Variants in MLLT3 observed in about 807,000 individuals in gnomAD.
MLLT3 encodes protein AF-9.
MLLT3 carries 4 observed loss-of-function variants against 53.2 expected under a neutral mutation model. That is an observed-to-expected ratio of 0.08 (90% CI 0.04 to 0.17). The LOEUF (loss-of-function observed/expected upper bound fraction) is 0.17, where lower values mean the gene tolerates loss of function less well. MLLT3 is among the 10% of genes least tolerant of loss of function. MLLT3 has a pLI of 1.00. For synonymous variants in MLLT3, 283 were observed against 230.6 expected (o/e 1.23, Z -2.06); for missense variants, 569 against 684.0 (o/e 0.83, Z 1.87).
At chr9:20,355,108 A>AAAAAAAAAAC (rs1563933785) in intron 8 of MLLT3, among the ~76,000 whole-genome samples, 1 of 151,474 alleles carries the variant, frequency 6.6e-6, no homozygotes, top group Admixed American at 6.6e-5. Context: ...AAAAAAAAAA[A>AAAAAAAAAAC]AAAAAAAAAC....
At chr9:20,531,935 A>C (rs1312396323) in intron 2 of MLLT3, among the ~76,000 whole-genome samples, 4 of 151,964 alleles carry the variant, frequency 2.6e-5, no homozygotes, top group African/African-American at 7.2e-5. Flanking sequence ...AAAAGCTAAA[A>C]ATTTTCATTT....
At chr9:20,518,231 G>T (rs1248736118) in intron 2 of MLLT3, among the ~76,000 whole-genome samples, 1 of 152,132 alleles carries the variant, frequency 6.6e-6, no homozygotes, top group African/African-American at 2.4e-5. Flanking sequence ...TGTAATCCCA[G>T]CTACTCAGGA....
At chr9:20,520,598 T>C (rs889479260) in intron 2 of MLLT3, among the ~76,000 whole-genome samples, 24 of 151,996 alleles carry the variant, frequency 1.6e-4, no homozygotes, top group African/African-American at 5.6e-4. Flanking sequence ...GAGACTAATA[T>C]GAATAACACC....
chr9:20,389,482 A>G (rs1357162222), intron 5 of MLLT3, among the ~76,000 whole-genome samples: 3 of 152,122 alleles, frequency 2.0e-5, no homozygotes, highest in Non-Finnish European at 4.4e-5. Context: ...AATATACTAA[A>G]AACCACTTTA....
intron 2 of MLLT3, among the ~76,000 whole-genome samples, chr9:20,600,330 G>A (rs921191159): frequency 5.3e-5 from 8 of 152,136 alleles, no homozygotes; most frequent in South Asian, 4.1e-4. Context: ...TAAGAACCAC[G>A]TCTGTTTTGT....
intron 5 of MLLT3, among the ~76,000 whole-genome samples, chr9:20,373,301 A>C (rs1338890205): frequency 6.6e-6 from 1 of 152,238 alleles, no homozygotes; most frequent in Admixed American, 6.5e-5. Context: ...CAATGGGCCT[A>C]CCAGGATTTG....
At chr9:20,422,620 C>T (rs764046755) in intron 4 of MLLT3, among the ~76,000 whole-genome samples, 9 of 152,036 alleles carry the variant, frequency 5.9e-5, no homozygotes, top group Admixed American at 3.3e-4. Flanking sequence ...AGGAGAGATT[C>T]GAGAGAATAA....
intron 2 of MLLT3, among the ~76,000 whole-genome samples, chr9:20,557,413 G>A (rs964811539): frequency 1.3e-5 from 2 of 152,080 alleles, no homozygotes; most frequent in African/African-American, 4.8e-5. Context: ...TTACCTGATG[G>A]GGGTGTTGTA....
chr9:20,540,577 T>C (rs577142950), intron 2 of MLLT3, among the ~76,000 whole-genome samples: 7 of 152,284 alleles, frequency 4.6e-5, no homozygotes, highest in South Asian at 2.1e-4. Context: ...CTGAAGTGGG[T>C]GGGGCTGGAG....
chr9:20,380,274 T>A (rs946572264), intron 5 of MLLT3: 1 of 151,984 alleles, frequency 6.6e-6, no homozygotes, highest in South Asian at 2.1e-4. Flanking sequence ...CCTCTTCCTC[T>A]CTCTCTTCAA....
At chr9:20,446,640 C>A (rs1207010523) in intron 4 of MLLT3, among the ~76,000 whole-genome samples, 3 of 151,938 alleles carry the variant, frequency 2.0e-5, no homozygotes, top group African/African-American at 7.3e-5. Flanking sequence ...ATGTAAAATG[C>A]CGAATTCATT....
intron 2 of MLLT3, among the ~76,000 whole-genome samples, chr9:20,496,194 C>A (rs1293304914): frequency 1.3e-5 from 2 of 151,986 alleles, no homozygotes; most frequent in African/African-American, 2.4e-5. Context: ...TAAACAGAGC[C>A]CTAAAGTAAA....
chr9:20,603,493 A>T (rs956296625), intron 2 of MLLT3, among the ~76,000 whole-genome samples: 2 of 152,114 alleles, frequency 1.3e-5, no homozygotes, highest in African/African-American at 4.8e-5. Context: ...TCTCAATGTG[A>T]GTGATAAAAA....
chr9:20,495,195 G>A (rs1825052202), intron 2 of MLLT3, among the ~76,000 whole-genome samples: 1 of 151,882 alleles, frequency 6.6e-6, no homozygotes, highest in African/African-American at 2.4e-5. Context: ...TAATAATATG[G>A]GCAACCATAC....
chr9:20,613,639 GC>G (rs1002117899), intron 2 of MLLT3, among the ~76,000 whole-genome samples: 2 of 151,454 alleles, frequency 1.3e-5, no homozygotes, highest in African/African-American at 4.9e-5. Flanking sequence ...GACAAAAAAG[GC>G]ACATCACAAA....
At chr9:20,378,962 G>A (rs1379007752) in intron 5 of MLLT3, among the ~76,000 whole-genome samples, 3 of 152,022 alleles carry the variant, frequency 2.0e-5, no homozygotes, top group Non-Finnish European at 4.4e-5. Context: ...GAGGAATGCT[G>A]CTGCTTATAA....
At chr9:20,459,943 G>A (rs1476065372) in intron 2 of MLLT3, among the ~76,000 whole-genome samples, 1 of 152,172 alleles carries the variant, frequency 6.6e-6, no homozygotes, top group Admixed American at 6.5e-5. Context: ...CAGTAGCCAT[G>A]TAAATAAAAA....
rs11314967 is a variant in MLLT3 at position 20,522,284 on chromosome 9, CAA to C, written c.194-65500_194-65499del. Among the ~76,000 whole-genome samples the C allele has an allele frequency of 1.6e-3, 204 of 127,736 alleles. 1 individual carries two copies. The highest frequency in any genetic ancestry group is 1.7e-3 in the African/African-American group (59 of 34,972). The allele number at this position is 127,736 out of a possible 152,430, so 83.8% of individuals were successfully genotyped here. On this transcript the variant is annotated intron_variant, in intron 2 of 10. Transcript: ENST00000380338. ...CATCCCTTCCAGCTTTGAAAGTGAC[CAA>C]AAAAAAAAAAAAAGAATTTTAAAAA...
At chr9:20,536,569 C>T (rs1414739864) in intron 2 of MLLT3, among the ~76,000 whole-genome samples, 1 of 152,164 alleles carries the variant, frequency 6.6e-6, no homozygotes, top group Non-Finnish European at 1.5e-5. Flanking sequence ...AATGAGCCAA[C>T]TGTAGCCACA....
Sources: allele counts gnomAD v4.1 joint callset (sites outside exome capture counted in the v4.1 genomes callset), GRCh38; gene constraint gnomAD v4.1.1; transcripts MANE v1.5; gene names NCBI Gene and HGNC (gene_info 2026-07-23, HGNC 2026-07-21).